Variants in ATG7 observed in about 807,000 individuals in gnomAD.
ATG7 encodes the protein autophagy related 7.
A neutral mutation model predicts 82.4 loss-of-function variants in ATG7; 70 were observed. That is an observed-to-expected ratio of 0.85 (90% confidence interval 0.70 to 1.04). The LOEUF is 1.04. Among genes scored for constraint, ATG7 ranks in the 50% least tolerant of loss-of-function variants. The pLI is 0.00. For synonymous variants in ATG7, 287 were observed against 313.0 expected, an observed-to-expected ratio of 0.92 and a Z score of 0.88; for missense variants, 792 against 864.3, an observed-to-expected ratio of 0.92 and a Z score of 1.05.
intron 20 of ATG7, among the ~76,000 whole-genome samples, chr3:11,493,358 T>A (rs2090554745): frequency 6.6e-6 from 1 of 152,194 alleles, no homozygotes; most frequent in Non-Finnish European, 1.5e-5. Flanking sequence ...CTGGAGTCTT[T>A]ATAGACACAG....
rs147928237 is a variant in ATG7 at position 11,395,147 on chromosome 3, A to G, written c.1956+15095A>G. On this transcript the variant is annotated intron_variant, in intron 19 of 20. Coordinates refer to ENST00000693202, the MANE Select transcript of ATG7 (RefSeq NM_001349232.2). ...AACAAAATGAATAGGTGTATAGGCA[A>G]TTATATACATCTAAAGAGCAAATTA... Among the ~76,000 whole-genome samples, 299 of 152,342 alleles carry G rather than the reference A, an allele frequency of 2.0e-3. 1 individual carries two copies. Among genetic ancestry groups the G allele is most frequent in the African/African-American group, 6.9e-3 (287 of 41,584 alleles).
In ATG7 at chr3:11,475,336, T is replaced by C. The variant is rs111908774; in HGVS notation, c.2079+48410T>C. On this transcript the variant is annotated intron_variant, in intron 20 of 20. Coordinates refer to ENST00000693202, the MANE Select transcript of ATG7 (RefSeq NM_001349232.2). ...TGGGCTTATTATTAATGTCACTTCT[T>C]ATAAAGGAGGAATCTGAGGTGGACA... Among the ~76,000 whole-genome samples, 866 of 152,168 alleles carry C rather than the reference T, an allele frequency of 5.7e-3. 11 individuals carry two copies. The highest frequency in any genetic ancestry group is 0.02 in the African/African-American group (831 of 41,516).
chr3:11,399,938 A>T (rs1264839894), intron 19 of ATG7, among the ~76,000 whole-genome samples: 1 of 152,216 alleles, frequency 6.6e-6, no homozygotes, highest in Non-Finnish European at 1.5e-5. Context: ...GTAGTTACAC[A>T]GATGGTCACT....
chr3:11,342,489 G>T (rs191622737), intron 13 of ATG7, among the ~76,000 whole-genome samples: 26 of 152,058 alleles, frequency 1.7e-4, no homozygotes, highest in African/African-American at 5.5e-4. Context: ...CCCATCGCAA[G>T]TCCCATTTCC....
chr3:11,468,553 ACAT>A (rs2087072868), intron 20 of ATG7, among the ~76,000 whole-genome samples: 1 of 152,108 alleles, frequency 6.6e-6, no homozygotes. Context: ...TCTGGATTTC[ACAT>A]CATTCATTAG....
chr3:11,391,933 A>C (rs569368571), intron 19 of ATG7, among the ~76,000 whole-genome samples: 41 of 125,658 alleles, frequency 3.3e-4, no homozygotes, highest in South Asian at 8.6e-4. Flanking sequence ...TAGGATTCAT[A>C]TGCATAGAAT....
chr3:11,509,154 T>TTAGTTAAATAA (rs1213848871), intron 20 of ATG7, among the ~76,000 whole-genome samples: 2 of 152,214 alleles, frequency 1.3e-5, no homozygotes, highest in African/African-American at 4.8e-5. Flanking sequence ...TCTTTCCAAG[T>TTAGTTAAATAA]TAGTTAAATA....
At chr3:11,333,182 A>C in intron 11 of ATG7, 89 bp downstream of exon 11, 6 of 1,411,288 alleles carry the variant, frequency 4.3e-6, no homozygotes, top group Non-Finnish European at 5.6e-6. Flanking sequence ...TCACAATGGC[A>C]GAAGAAAGGA....
Position 11,378,027 on chromosome 3 carries a change from A to ATTTTTT in ATG7, c.1876-1932_1876-1927dup, listed in dbSNP as rs61176051. On this transcript the variant is annotated intron_variant, in intron 18 of 20. Transcript: ENST00000693202. ...GCTATCTAACTTATACCAGTTACCAATTTTTTTTTTTTTTTTTTGAGATGG... is the reference window on the plus strand; with the variant it reads ...GCTATCTAACTTATACCAGTTACCAATTTTTTTTTTTTTTTTTTTTTTTTGAGATGG... Among the ~76,000 whole-genome samples, 87 of 92,712 alleles carry ATTTTTT rather than the reference A, an allele frequency of 9.4e-4. 11 individuals are homozygous for ATTTTTT. The highest frequency in any genetic ancestry group is 1.0e-3 in the Non-Finnish European group (55 of 54,492). The allele number at this position is 92,712 out of a possible 152,430, so 60.8% of individuals were successfully genotyped here.
At chr3:11,522,701 G>A (rs2092472695) in intron 20 of ATG7, among the ~76,000 whole-genome samples, 1 of 152,212 alleles carries the variant, frequency 6.6e-6, no homozygotes, top group Admixed American at 6.5e-5. Context: ...CTTTCAGTGG[G>A]TAATTTCATA....
At chr3:11,400,227 C>T (rs2079699768) in intron 19 of ATG7, among the ~76,000 whole-genome samples, 1 of 152,122 alleles carries the variant, frequency 6.6e-6, no homozygotes, top group African/African-American at 2.4e-5. Context: ...CAACCTTAGG[C>T]TGTAAGAGAC....
chr3:11,394,278 C>T (rs1482777437), intron 19 of ATG7, among the ~76,000 whole-genome samples: 1 of 152,166 alleles, frequency 6.6e-6, no homozygotes, highest in East Asian at 1.9e-4. Flanking sequence ...TATTATATAA[C>T]AGAATGCTGG....
chr3:11,424,213 T>C (rs1309521788), intron 19 of ATG7, among the ~76,000 whole-genome samples: 1 of 152,228 alleles, frequency 6.6e-6, no homozygotes, highest in Non-Finnish European at 1.5e-5. Context: ...CATCAGTGCT[T>C]TAGAGTTCTG....
chr3:11,434,927 T>G (rs1449515051), intron 20 of ATG7, among the ~76,000 whole-genome samples: 1 of 152,228 alleles, frequency 6.6e-6, no homozygotes, highest in Non-Finnish European at 1.5e-5. Context: ...TGAGTGACCT[T>G]GGATGAATCC....
chr3:11,507,000 G>C (rs1575108638), intron 20 of ATG7, among the ~76,000 whole-genome samples: 1 of 152,136 alleles, frequency 6.6e-6, no homozygotes, highest in East Asian at 1.9e-4. Flanking sequence ...GCAAAATCAG[G>C]CTGGGCGCAG....
intron 20 of ATG7, among the ~76,000 whole-genome samples, chr3:11,543,481 G>A (rs2071011261): frequency 6.6e-6 from 1 of 152,242 alleles, no homozygotes. Flanking sequence ...TGAGAAGAGG[G>A]GTTTGGTCTT....
intron 20 of ATG7, among the ~76,000 whole-genome samples, chr3:11,552,996 C>T (rs1046761779): frequency 6.6e-6 from 1 of 152,236 alleles, no homozygotes; most frequent in African/African-American, 2.4e-5. Context: ...CCCCAACCAC[C>T]CATTTGCAGA....
Position 11,358,453 on chromosome 3 carries a change from T to A in ATG7, c.1320T>A (p.Pro440=). ...GATTCAACATGAGCATACCTATGCCTGGGCATCCAGTGAACTTCTCCAGTG... is the reference window on the plus strand; with the variant it reads ...GATTCAACATGAGCATACCTATGCCAGGGCATCCAGTGAACTTCTCCAGTG... ...ARGFNMSIPM[P]GHPVNFSSVT... The change falls in exon 15 of 21, where the codon CCT becomes CCA. Residue 440 remains proline, a synonymous_variant. Coordinates refer to ENST00000693202, the MANE Select transcript of ATG7 (RefSeq NM_001349232.2). The A allele has an allele frequency of 6.2e-7, 1 of 1,614,004 alleles. No individual in the cohort carries two copies. Among genetic ancestry groups the A allele is most frequent in the Non-Finnish European group, 8.5e-7 (1 of 1,179,942 alleles).
rs527989420 is a variant in ATG7 at position 11,385,631 on chromosome 3, C to T, written c.1956+5579C>T. On this transcript the variant is annotated intron_variant, in intron 19 of 20. Transcript: ENST00000693202. ...TACAGCAAGGTCTGTCCTCTTGTTA[C>T]GGCATCCCAATACCAATTAATTTTG... 1.5e-4 allele frequency among the ~76,000 whole-genome samples: 23 copies of T among 152,286 alleles called. No homozygotes were observed. The South Asian group carries it at 3.5e-3, about 23-fold the overall frequency.
Sources: gnomAD v4.1 joint callset for allele counts (sites outside exome capture counted in the v4.1 genomes callset) on GRCh38, gnomAD v4.1.1 for gene constraint, MANE v1.5 for transcripts, NCBI Gene and HGNC (gene_info 2026-07-23, HGNC 2026-07-21) for gene names.